Variants in TEP1 observed in about 807,000 individuals in gnomAD.
TEP1 encodes telomerase protein component 1.
In TEP1, 241 loss-of-function variants were observed where a neutral mutation model predicts 306.3. The ratio of observed to expected loss-of-function variants is 0.79; its 90% CI spans 0.71 to 0.88. The LOEUF (loss-of-function observed/expected upper bound fraction) is 0.88. Ranked by LOEUF, TEP1 falls within the 40% of genes least tolerant of loss-of-function variation. The pLI is 0.00. For missense variants in TEP1, 3,051 were observed against 3,276.1 expected, an observed-to-expected ratio of 0.93 and a Z score of 1.68; for synonymous variants, 1,289 against 1,305.5, an observed-to-expected ratio of 0.99 and a Z score of 0.27.
At chr14:20,404,254 C>CTCCT (rs1316592451) in intron 5 of TEP1, among the ~76,000 whole-genome samples, 1 of 150,588 alleles carries the variant, frequency 6.6e-6, no homozygotes, top group African/African-American at 2.5e-5. Flanking sequence ...ACTTGGGAGG[C>CTCCT]TGAGGAAGGA....
At chr14:20,385,679 C>T (rs1260039054) in intron 20 of TEP1, among the ~76,000 whole-genome samples, 4 of 152,188 alleles carry the variant, frequency 2.6e-5, no homozygotes, top group African/African-American at 9.7e-5. Context: ...GGCCCTGTTA[C>T]AGACTTTCAA....
intron 17 of TEP1, among the ~76,000 whole-genome samples, chr14:20,388,924 T>G (rs1594351048): frequency 6.6e-6 from 1 of 152,106 alleles, no homozygotes; most frequent in African/African-American, 2.4e-5. Context: ...CTGAGGTGGG[T>G]GGATCACAAG....
At chr14:20,375,985 G>A (rs1885150247) in intron 42 of TEP1, 117 bp from the exon 43 acceptor site, 5 of 1,480,514 alleles carry the variant, frequency 3.4e-6, no homozygotes, top group Non-Finnish European at 4.7e-6. Flanking sequence ...CAGGCAGACA[G>A]ATCTATACTA....
At chr14:20,406,567 T>C (rs1320243593) in intron 2 of TEP1, among the ~76,000 whole-genome samples, 167 bp from the exon 3 acceptor site, 2 of 152,220 alleles carry the variant, frequency 1.3e-5, no homozygotes, top group Non-Finnish European at 2.9e-5. Flanking sequence ...CTGTCTGACT[T>C]ACTGCTCTCA....
intron 15 of TEP1, among the ~76,000 whole-genome samples, chr14:20,390,409 T>C (rs1877594437): frequency 6.6e-6 from 1 of 152,224 alleles, no homozygotes; most frequent in Non-Finnish European, 1.5e-5. Context: ...CTATGTTCAG[T>C]AGCATCATGT....
At chr14:20,371,718 G>A (rs1388384741) in intron 49 of TEP1, 86 bp from the exon 50 acceptor site, 9 of 1,450,144 alleles carry the variant, frequency 6.2e-6, no homozygotes, top group Non-Finnish European at 7.3e-6. Context: ...AATTCCTCAG[G>A]AATGAAGTAC....
chr14:20,381,855 G>A lies in TEP1; in HGVS notation c.4424+58C>T, dbSNP rs1713455. 196,425 of 1,595,268 alleles carry A rather than the reference G, an allele frequency of 0.12. 13,066 individuals carry two copies. Among genetic ancestry groups the A allele is most frequent in the African/African-American group, 0.26 (19,018 of 74,440 alleles). On this transcript the variant is annotated intron_variant, in intron 30 of 54. Transcript: ENST00000262715. This position sits in a 1 kb window ranked among gnomAD's most constrained non-coding sequence, Gnocchi z 4.0. ...TTGTTGAAGCTATACAGAGGGCCCCGGCTCAAAGAAGGGAAGGCACAGAGA... is the reference window on the plus strand; with the variant it reads ...TTGTTGAAGCTATACAGAGGGCCCCAGCTCAAAGAAGGGAAGGCACAGAGA...
chr14:20,379,054 G>C lies in TEP1; in HGVS notation c.5179C>G (p.Leu1727Val). Reference protein sequence around the residue: ...GCDGISACLFLSDDTLFLTAF... With the variant: ...GCDGISACLFVSDDTLFLTAF... ...GTAAGAAAGAGTGTATCATCGGAGA[G>C]GAACAAACAAGCAGAGATTCCATCA... is the stretch of plus-strand genomic sequence containing the variant. The change falls in exon 36 of 55, where the codon CTC becomes GTC. Residue 1727 changes from leucine to valine, a missense_variant. Transcript: ENST00000262715. 1 of 1,614,138 alleles carries C rather than the reference G, an allele frequency of 6.2e-7. No homozygotes were observed. The highest frequency in any genetic ancestry group is 8.5e-7 in the Non-Finnish European group (1 of 1,180,030).
intron 14 of TEP1, 68 bp from the exon 15 acceptor site, chr14:20,390,826 G>T (rs1877642023): frequency 1.2e-6 from 2 of 1,612,122 alleles, no homozygotes; most frequent in Admixed American, 3.3e-5. Context: ...CTTGCAGTCT[G>T]CTTGGGAAAT....
At position 20,368,768 on chromosome 14, in the gene TEP1, A is replaced by G. The variant is rs760201651; in HGVS notation, c.7761+30T>C. The G allele has an allele frequency of 1.9e-3, 2,003 of 1,064,410 alleles. 5 individuals are homozygous for G. Among genetic ancestry groups the G allele is most frequent in the African/African-American group, 0.015 (840 of 56,532 alleles). The allele number at this position is 1,064,410 out of a possible 1,614,324, so 65.9% of individuals were successfully genotyped here. A position where few individuals can be genotyped will look rare whatever the true frequency, so the allele number is the denominator to read the frequency against. Reference sequence around the variant, plus strand: ...GGGATAGGTGTGCAGGCGCACGCACACACACACACACACACACACACACAC... The same window carrying G: ...GGGATAGGTGTGCAGGCGCACGCACGCACACACACACACACACACACACAC... On this transcript the variant is annotated intron_variant, in intron 54 of 54. Coordinates refer to ENST00000262715, the MANE Select transcript of TEP1 (RefSeq NM_007110.5).
In TEP1 at chr14:20,377,711, G is replaced by A; in HGVS notation, c.5764C>T (p.Leu1922=). The change falls in exon 40 of 55, where the codon CTG becomes TTG. Residue 1922 remains leucine, a synonymous_variant. Transcript: ENST00000262715. Reference sequence around the variant, plus strand: ...GCAGGAGAGAGAGAAAGGGAACCCAGGTGCCCACGGGGCCGACCCAGAGAC... The same window carrying A: ...GCAGGAGAGAGAGAAAGGGAACCCAAGTGCCCACGGGGCCGACCCAGAGAC... ...SGSLGRPRGH[L]GSLSLSPALS... 1 of 1,614,046 alleles carries A rather than the reference G, an allele frequency of 6.2e-7. No homozygotes were observed. Among genetic ancestry groups the A allele is most frequent in the African/African-American group, 1.3e-5 (1 of 75,010 alleles).
At chr14:20,393,969 C>G (rs945913482) in intron 12 of TEP1, among the ~76,000 whole-genome samples, 1 of 152,078 alleles carries the variant, frequency 6.6e-6, no homozygotes, top group Non-Finnish European at 1.5e-5. Flanking sequence ...TGCCTATAAT[C>G]CCAGCTACTT....
chr14:20,379,867 G>A (rs1566449691), intron 35 of TEP1, 63 bp downstream of exon 35: 2 of 1,545,306 alleles, frequency 1.3e-6, no homozygotes, highest in Admixed American at 2.1e-5. Flanking sequence ...GCTCATCTAG[G>A]GCTTCAGGGC....
At position 20,380,055 on chromosome 14, in the gene TEP1, T is replaced by G. The variant is rs775115571; in HGVS notation, c.5004-2A>C. The G allele has an allele frequency of 4.4e-6, 7 of 1,608,620 alleles. No homozygotes were observed. The highest frequency in any genetic ancestry group is 5.9e-6 in the Non-Finnish European group (7 of 1,178,584). ...GAAACTGCCAGAGACAGGCTGGAGC[T>G]AGAGAAAGAGTAGGAAGAAAGGGAG... is the stretch of plus-strand genomic sequence containing the variant. On this transcript the variant is annotated splice_acceptor_variant, in intron 34 of 54. Transcript: ENST00000262715. LOFTEE classifies it high-confidence loss of function.
At position 20,408,382 on chromosome 14, in the gene TEP1, G is replaced by T. The variant is rs145064396; in HGVS notation, c.58C>A (p.Arg20=). 801 of 1,614,082 alleles carry T rather than the reference G, an allele frequency of 5.0e-4. 2 individuals carry two copies. Among genetic ancestry groups the T allele is most frequent in the Admixed American group, 3.1e-3 (184 of 60,018 alleles). The change falls in exon 2 of 55, where the codon CGG becomes AGG. Residue 20 remains arginine (R), a synonymous_variant. Coordinates refer to ENST00000262715, the MANE Select transcript of TEP1 (RefSeq NM_007110.5). ...AAGTCAGGGAGCATAGCCAGGCACC[G>T]GTTCTCCAAGGAGAGGATGTCTGGA... ...AHPDILSLEN[R]CLAMLPDLQP...
intron 53 of TEP1, 131 bp from the exon 54 acceptor site, chr14:20,369,033 A>C (rs972348320): frequency 2.9e-6 from 2 of 701,136 alleles, no homozygotes; most frequent in African/African-American, 3.6e-5. Flanking sequence ...TTGAGACAAG[A>C]GTCTCGCTCT....
intron 43 of TEP1, among the ~76,000 whole-genome samples, chr14:20,375,028 T>C (rs1011442783): frequency 4.0e-5 from 6 of 149,924 alleles, no homozygotes; most frequent in Non-Finnish European, 8.9e-5. Context: ...GAGGTGGAGA[T>C]TGCAGTGAGC....
Position 20,375,770 on chromosome 14 carries a change from G to C in TEP1, c.6348C>G (p.Thr2116=). ...CTTTACTCACCAGTAGGTTATCTTT[G>C]GTCCAGGCACAGCCAGTGACCCAGT... ...HRDWVTGCAW[T]KDNLLISCSS... The change falls in exon 43 of 55, where the codon ACC becomes ACG. Residue 2116 remains threonine (T), a synonymous_variant. Coordinates refer to ENST00000262715, the MANE Select transcript of TEP1 (RefSeq NM_007110.5). The C allele has an allele frequency of 6.2e-7, 1 of 1,613,082 alleles. No homozygotes were observed. Among genetic ancestry groups the C allele is most frequent in the Non-Finnish European group, 8.5e-7 (1 of 1,179,612 alleles).
intron 43 of TEP1, 21 bp downstream of exon 43, chr14:20,375,734 C>G: frequency 6.3e-7 from 1 of 1,576,622 alleles, no homozygotes; most frequent in Non-Finnish European, 8.7e-7. Flanking sequence ...GGCTCTGTGC[C>G]ACCCCTGGCC....
Sources: allele counts gnomAD v4.1 joint callset (sites outside exome capture counted in the v4.1 genomes callset), GRCh38; gene constraint gnomAD v4.1.1; non-coding constraint Gnocchi (gnomAD v3.1); transcripts MANE v1.5; gene names NCBI Gene and HGNC (gene_info 2026-07-23, HGNC 2026-07-21).